The following FBN2 variants were observed in gnomAD, a reference collection of about 807,000 sequenced individuals.
The protein encoded by FBN2 is fibrillin 2.
Under a neutral mutation model 355.6 loss-of-function variants are expected in FBN2, and 105 were observed. The observed-to-expected ratio is 0.30, with a 90% CI of 0.25 to 0.35. FBN2 has a LOEUF of 0.35. Among genes scored for constraint, FBN2 ranks in the 10% least tolerant of loss-of-function variants. The pLI is 1.00. For missense variants in FBN2, 3,280 were observed against 3,758.7 expected (o/e 0.87, Z 3.33); for synonymous variants, 1,350 against 1,301.2 (o/e 1.04, Z -0.81).
At chr5:128,499,565 C>T (rs1343196966) in intron 5 of FBN2, among the ~76,000 whole-genome samples, 2 of 152,244 alleles carry the variant, frequency 1.3e-5, no homozygotes, top group African/African-American at 4.8e-5. Flanking sequence ...TTGCAAATCA[C>T]TGTATTCAGA....
chr5:128,329,795 G>A (rs1052482992), intron 33 of FBN2, among the ~76,000 whole-genome samples: 1 of 152,096 alleles, frequency 6.6e-6, no homozygotes, highest in African/African-American at 2.4e-5. Flanking sequence ...GTTAATTATG[G>A]GTTTAAAGTG....
intron 5 of FBN2, among the ~76,000 whole-genome samples, chr5:128,482,005 A>G (rs1208037682): frequency 6.6e-6 from 1 of 152,190 alleles, no homozygotes; most frequent in East Asian, 1.9e-4. Context: ...GTTACTTACT[A>G]GAAAGGCTCT....
intron 12 of FBN2, 47 bp from the exon 13 acceptor site, chr5:128,377,924 T>G: frequency 1.3e-6 from 2 of 1,531,806 alleles, no homozygotes. Flanking sequence ...ACAATACTTA[T>G]AGATAAACAC....
chr5:128,324,762 T>G (rs966409167), intron 34 of FBN2, among the ~76,000 whole-genome samples: 8 of 151,962 alleles, frequency 5.3e-5, no homozygotes, highest in African/African-American at 1.7e-4. Context: ...CGACTACAGG[T>G]GCCCGGCATC....
rs942459574 is a variant in FBN2 at position 128,310,091 on chromosome 5, C to A, written c.5092G>T (p.Ala1698Ser). ...RICEDIDECF[A>S]HPGVCGPGTC... ...CCAGGCCCACACACACCAGGATGTGCAAAACACTCATCAATATCTAGAGTA... is the reference window on the plus strand; with the variant it reads ...CCAGGCCCACACACACCAGGATGTGAAAAACACTCATCAATATCTAGAGTA... Residue 1698 changes from alanine to serine, a missense_variant, in exon 40 of 65, where the codon GCA becomes TCA. This residue lies in a region of FBN2 where 2,284 missense variants were observed against 2,749.5 expected (regional missense o/e 0.83). Coordinates refer to ENST00000262464, the MANE Select transcript of FBN2 (RefSeq NM_001999.4). 6.2e-7 allele frequency: 1 copy of A among 1,612,730 alleles called. No homozygotes were observed. The highest frequency in any genetic ancestry group is 1.3e-5 in the African/African-American group (1 of 74,906).
At chr5:128,327,074 C>T (rs1017224041) in intron 34 of FBN2, among the ~76,000 whole-genome samples, 1 of 152,170 alleles carries the variant, frequency 6.6e-6, no homozygotes, top group Non-Finnish European at 1.5e-5. Flanking sequence ...TCCACATTTA[C>T]ATTGATTCAC....
chr5:128,497,708 A>G (rs906055963), intron 5 of FBN2, among the ~76,000 whole-genome samples: 1 of 152,226 alleles, frequency 6.6e-6, no homozygotes, highest in African/African-American at 2.4e-5. Flanking sequence ...AGGTGGAGCC[A>G]TATTTCAATA....
chr5:128,311,790 T>A (rs747119893), intron 38 of FBN2, 95 bp downstream of exon 38: 1 of 855,402 alleles, frequency 1.2e-6, no homozygotes, highest in Non-Finnish European at 2.0e-6. Context: ...TAAATTATCT[T>A]GTCGGGGCTG....
At position 128,442,304 on chromosome 5, in the gene FBN2, G is replaced by A. The variant is rs13180243; in HGVS notation, c.952+4177C>T. 79,621 of 456,158 alleles carry A rather than the reference G, an allele frequency of 0.17. 7,379 individuals are homozygous for A. The highest frequency in any genetic ancestry group is 0.21 in the Non-Finnish European group (47,243 of 226,760). The allele number at this position is 456,158 out of a possible 1,614,324, so 28.3% of individuals were successfully genotyped here. A position where few individuals can be genotyped will look rare whatever the true frequency, so the allele number is the denominator to read the frequency against. On this transcript the variant is annotated intron_variant, in intron 7 of 64. Coordinates refer to ENST00000262464, the MANE Select transcript of FBN2 (RefSeq NM_001999.4). ...AATAACTAGCTCAAGGAATGTTAAC[G>A]AAGGTATAGTCTGGAAGGGAGGATC... is the stretch of plus-strand genomic sequence containing the variant.
intron 34 of FBN2, 62 bp downstream of exon 34, chr5:128,328,634 T>C (rs749085685): frequency 6.8e-5 from 107 of 1,583,630 alleles, no homozygotes; most frequent in Non-Finnish European, 6.9e-6. Flanking sequence ...CCAGCCCTTG[T>C]TGTGGTTTCA....
In FBN2 at chr5:128,498,998, A is replaced by T. The variant is rs181576303; in HGVS notation, c.628+20275T>A. 2.7e-4 allele frequency among the ~76,000 whole-genome samples: 41 copies of T among 152,330 alleles called. No homozygotes were observed. In the East Asian group the frequency reaches 7.9e-3, roughly 29 times the overall value. ...TATTTGGGTTATTTCTTAGTTTACC[A>T]CATAGTAACCAAGCCAAGATTCGAA... On this transcript the variant is annotated intron_variant, in intron 5 of 64. Transcript: ENST00000262464.
intron 49 of FBN2, 59 bp downstream of exon 49, chr5:128,291,470 A>G: frequency 2.5e-6 from 4 of 1,590,848 alleles, no homozygotes; most frequent in Non-Finnish European, 3.4e-6. Context: ...GATGGTTTAC[A>G]ATTCAGCTTT....
chr5:128,330,562 C>T lies in FBN2; in HGVS notation c.4345+11G>A. On this transcript the variant is annotated intron_variant, in intron 33 of 64. Coordinates refer to ENST00000262464, the MANE Select transcript of FBN2 (RefSeq NM_001999.4). Reference sequence around the variant, plus strand: ...CATCCCGTCAGAGCACACCTCAGGACTGTCACCCACCTGAGCAGGTAAAGC... The same window carrying T: ...CATCCCGTCAGAGCACACCTCAGGATTGTCACCCACCTGAGCAGGTAAAGC... 6.2e-7 allele frequency: 1 copy of T among 1,613,882 alleles called. No homozygotes were observed. The highest frequency in any genetic ancestry group is 8.5e-7 in the Non-Finnish European group (1 of 1,179,792).
chr5:128,510,770 A>G (rs1025933185), intron 5 of FBN2, among the ~76,000 whole-genome samples: 7 of 152,198 alleles, frequency 4.6e-5, no homozygotes, highest in African/African-American at 1.7e-4. Context: ...ATTCAATGGT[A>G]TCATGTGCCT....
At chr5:128,482,692 A>G (rs1755226368) in intron 5 of FBN2, among the ~76,000 whole-genome samples, 1 of 152,180 alleles carries the variant, frequency 6.6e-6, no homozygotes, top group South Asian at 2.1e-4. Context: ...ATTCTCCACT[A>G]GAGTCCCATT....
rs1030198973 is a variant in FBN2, at chr5:128,309,503, G to A, written c.5201-104C>T. 9 of 943,612 alleles carry A rather than the reference G, an allele frequency of 9.5e-6. No individual in the cohort carries two copies. The African/African-American group carries it at 1.3e-4, about 14-fold the overall frequency. The allele number at this position is 943,612 out of a possible 1,614,324, so 58.5% of individuals were successfully genotyped here. A position where few individuals can be genotyped will look rare whatever the true frequency, so the allele number is the denominator to read the frequency against. On this transcript the variant is annotated intron_variant, in intron 40 of 64. Transcript: ENST00000262464. ...CAAGCTTTCCTGATGAACACAACTC[G>A]GAAACCCTTTTTAGTCATTTGAAGC...
rs529496402 is a variant in FBN2 at position 128,367,045 on chromosome 5, A to C, written c.2249-615T>G. On this transcript the variant is annotated intron_variant, in intron 16 of 64. Transcript: ENST00000262464. ...CATTTAATATTGTTTTCTCAGTTAC[A>C]TAGAGGTATCACATTTATTCAGTCA... Among the ~76,000 whole-genome samples the C allele has an allele frequency of 2.2e-4, 33 of 152,310 alleles. No individual in the cohort carries two copies. The South Asian group carries it at 6.6e-3, about 31-fold the overall frequency.
intron 7 of FBN2, among the ~76,000 whole-genome samples, chr5:128,430,312 T>G (rs1268596079): frequency 6.6e-6 from 1 of 152,260 alleles, no homozygotes; most frequent in South Asian, 2.1e-4. Flanking sequence ...ATTTTGAACA[T>G]AAAAGAATTC....
intron 28 of FBN2, 48 bp downstream of exon 28, chr5:128,335,940 G>C (rs775979916): frequency 6.2e-7 from 1 of 1,606,866 alleles, no homozygotes; most frequent in Non-Finnish European, 8.5e-7. Context: ...AGTTTTCCTA[G>C]GCTGATTTGA....
Sources: allele counts gnomAD v4.1 joint callset (sites outside exome capture counted in the v4.1 genomes callset), GRCh38; gene constraint gnomAD v4.1.1; regional missense constraint gnomAD v4.1.1; transcripts MANE v1.5; gene names NCBI Gene and HGNC (gene_info 2026-07-23, HGNC 2026-07-21).